Variants in MTRR observed in about 807,000 individuals in gnomAD.
MTRR encodes methionine synthase reductase.
In MTRR, 63 loss-of-function variants were observed where a neutral mutation model predicts 79.2. The observed-to-expected ratio is 0.80, with a 90% CI of 0.65 to 0.98. The LOEUF is 0.98. Among genes scored for constraint, MTRR ranks in the 50% least tolerant of loss-of-function variants. The probability of loss-of-function intolerance (pLI) is 0.00; values close to 1 mark genes in which losing one functional copy is unlikely to be tolerated. For synonymous variants in MTRR, 355 were observed against 313.3 expected (o/e 1.13, Z -1.41); for missense variants, 895 against 839.6 (o/e 1.07, Z -0.82).
At chr5:7,882,542 G>C (rs1579697048) in intron 5 of MTRR, among the ~76,000 whole-genome samples, 1 of 152,140 alleles carries the variant, frequency 6.6e-6, no homozygotes, top group East Asian at 1.9e-4. Flanking sequence ...TTAAACTTAG[G>C]AATATAGAAA....
At chr5:7,889,772 A>G (rs1442801505) in intron 9 of MTRR, among the ~76,000 whole-genome samples, 1 of 152,246 alleles carries the variant, frequency 6.6e-6, no homozygotes, top group Non-Finnish European at 1.5e-5. Flanking sequence ...GAGCAAGTCC[A>G]GATCGAGGGT....
chr5:7,857,124 A>G (rs1476038058), intron 1 of MTRR, among the ~76,000 whole-genome samples: 1 of 152,220 alleles, frequency 6.6e-6, no homozygotes, highest in East Asian at 1.9e-4. Context: ...GCTAGCAAGT[A>G]AAACAATTTT....
In MTRR at chr5:7,855,270, G is replaced by A. The variant is rs557924648; in HGVS notation, n.391+3685G>A. Among the ~76,000 whole-genome samples the A allele has an allele frequency of 1.1e-4, 16 of 152,090 alleles. No individual in the cohort carries two copies. In the East Asian group the frequency reaches 3.1e-3, roughly 29 times the overall value. On this transcript the variant is annotated intron_variant and non_coding_transcript_variant, in intron 1 of 3. Coordinates refer to the MTRR transcript ENST00000502509. ...GAATATAGACTACACATTAAATGATGACAGGGAATAATAACTAATTTTGTT... is the reference window on the plus strand; with the variant it reads ...GAATATAGACTACACATTAAATGATAACAGGGAATAATAACTAATTTTGTT...
In MTRR at chr5:7,885,815, T is replaced by G. The variant is rs1183944927; in HGVS notation, c.1018T>G (p.Cys340Gly). 8 of 1,614,028 alleles carry G rather than the reference T, an allele frequency of 5.0e-6. No homozygotes were observed. The Admixed American group carries it at 1.3e-4, about 27-fold the overall frequency. Reference protein sequence around the residue: ...RLQLEDKREHCVLLKIKADTK... With the variant: ...RLQLEDKREHGVLLKIKADTK... ...GCAGCTTGAAGATAAAAGAGAGCAC[T>G]GCGTCCTTTTGAAAATAAAGGCAGA... The change falls in exon 7 of 15, where the codon TGC (cysteine) becomes GGC (glycine). Residue 340 changes from cysteine to glycine, a missense_variant. Physicochemically the swap from Cys to Gly is radical, Grantham distance 159 (BLOSUM62 -3). Transcript: ENST00000440940.
Position 7,897,072 on chromosome 5 carries a change from C to T in MTRR, c.1777C>T (p.Leu593Phe), listed in dbSNP as rs146415045. Residue 593 changes from leucine to phenylalanine, a missense_variant, in exon 14 of 15, where the codon CTC becomes TTC. By Grantham distance (22) the Leu-to-Phe change is conservative. Coordinates refer to ENST00000440940, the MANE Select transcript of MTRR (RefSeq NM_002454.3). ...KDRDYLFRKE[L>F]RHFLKHGILT... Reference sequence around the variant, plus strand: ...TTATATATTATATTTCAGAAAAGAGCTCAGACATTTCCTTAAGCATGGGAT... The same window carrying T: ...TTATATATTATATTTCAGAAAAGAGTTCAGACATTTCCTTAAGCATGGGAT... 7.1e-5 allele frequency: 114 copies of T among 1,614,012 alleles called. No homozygotes were observed. In the African/African-American group the frequency reaches 1.2e-3, roughly 18 times the overall value.
intron 1 of MTRR, among the ~76,000 whole-genome samples, chr5:7,852,463 T>C (rs1025085805): frequency 2.0e-5 from 3 of 152,100 alleles, no homozygotes; most frequent in African/African-American, 7.2e-5. Context: ...CACTAACACA[T>C]CTTTTTGCTC....
In MTRR at chr5:7,870,799, G is replaced by A. The variant is rs2126643700; in HGVS notation, c.5G>A (p.Arg2Lys). ...ACTGTTACATGCCTTGAAGTGATGAGGAGGTTTCTGTTACTATATGCTACA... is the reference window on the plus strand; with the variant it reads ...ACTGTTACATGCCTTGAAGTGATGAAGAGGTTTCTGTTACTATATGCTACA... The part of the protein sequence containing the change: M[R>K]RFLLLYATQQ... The change falls in exon 2 of 15, where the codon AGG becomes AAG. Residue 2 changes from arginine (R) to lysine (K), a missense_variant. Transcript: ENST00000440940. 1.2e-6 allele frequency: 2 copies of A among 1,614,178 alleles called. No individual in the cohort carries two copies.
At position 7,885,685 on chromosome 5, in the gene MTRR, T is replaced by C. The variant is rs758404115; in HGVS notation, c.904-16T>C. 4.4e-5 allele frequency: 71 copies of C among 1,606,048 alleles called. No homozygotes were observed. The highest frequency in any genetic ancestry group is 5.8e-5 in the Non-Finnish European group (68 of 1,174,446). On this transcript the variant is annotated splice_polypyrimidine_tract_variant and intron_variant, in intron 6 of 14. Transcript: ENST00000440940. Reference sequence around the variant, plus strand: ...GTATAATGTATTTTTTTTTTTTCATTTTGGCTCTTCTCTAGAATACAGACT... The same window carrying C: ...GTATAATGTATTTTTTTTTTTTCATCTTGGCTCTTCTCTAGAATACAGACT...
intron 1 of MTRR, among the ~76,000 whole-genome samples, chr5:7,857,518 C>T (rs1008449637): frequency 6.6e-6 from 1 of 152,202 alleles, no homozygotes; most frequent in African/African-American, 2.4e-5. Flanking sequence ...ACTGGGTGTT[C>T]CAGCCATTGA....
At chr5:7,898,635 G>A (rs780440703) in intron 14 of MTRR, among the ~76,000 whole-genome samples, 9 of 152,126 alleles carry the variant, frequency 5.9e-5, no homozygotes, top group Non-Finnish European at 1.0e-4. Flanking sequence ...TACTGCTGAT[G>A]AGTCAAATGA....
chr5:7,868,940 G>A (rs1175994204), upstream of MTRR: 6 of 683,772 alleles, frequency 8.8e-6, no homozygotes, highest in African/African-American at 7.0e-5. Flanking sequence ...TTGACACCCA[G>A]CCGGACCAAC....
upstream of MTRR, chr5:7,868,930 T>C: frequency 1.5e-6 from 1 of 654,142 alleles, no homozygotes; most frequent in Non-Finnish European, 2.8e-6. Flanking sequence ...GGCCAGGTCT[T>C]TGACACCCAG....
At chr5:7,880,416 GC>G (rs1349498077) in intron 5 of MTRR, among the ~76,000 whole-genome samples, 1 of 152,190 alleles carries the variant, frequency 6.6e-6, no homozygotes, top group East Asian at 1.9e-4. Context: ...TGTACCTGAG[GC>G]CATGCTAGTC....
In MTRR at chr5:7,883,212, A is replaced by G; in HGVS notation, c.838A>G (p.Lys280Glu). The change falls in exon 6 of 15, where the codon AAG becomes GAG. Residue 280 changes from lysine to glutamate, a missense_variant. Physicochemically the swap from Lys to Glu is moderately conservative, Grantham distance 56. Transcript: ENST00000440940. ...ADPVFQVPIS[K>E]AVQLTTNDAI... ...TCCAGTTTTTCAAGTGCCAATTTCA[A>G]AGGCAGTTCAACTTACTACGAATGA... is the stretch of plus-strand genomic sequence containing the variant. 1.2e-6 allele frequency: 2 copies of G among 1,614,244 alleles called. No individual in the cohort carries two copies. Among genetic ancestry groups the G allele is most frequent in the Non-Finnish European group, 1.7e-6 (2 of 1,180,030 alleles).
In MTRR at chr5:7,899,745, A is replaced by C. The variant is rs551868762; in HGVS notation, c.1953-169A>C. On this transcript the variant is annotated intron_variant, in intron 14 of 14. Coordinates refer to ENST00000440940, the MANE Select transcript of MTRR (RefSeq NM_002454.3). ...TCTCCTAGAACAGTCACTGTAGGCAAAGGCCTGGCCTGGGCATGAGTGAGG... is the reference window on the plus strand; with the variant it reads ...TCTCCTAGAACAGTCACTGTAGGCACAGGCCTGGCCTGGGCATGAGTGAGG... Among the ~76,000 whole-genome samples the C allele has an allele frequency of 9.4e-4, 143 of 152,316 alleles. 1 individual carries two copies. Among genetic ancestry groups the C allele is most frequent in the Non-Finnish European group, 1.6e-3 (106 of 68,030 alleles).
At position 7,899,907 on chromosome 5, in the gene MTRR, TTTCTA is replaced by T. The variant is rs767124472; in HGVS notation, c.1953-6_1953-2del. ...GTAAGCAGTCATCTTATTATTTTCT[TTTCTA>T]GAGATGCAAAGAATATGGCCAAGGA... On this transcript the variant is annotated splice_acceptor_variant and splice_polypyrimidine_tract_variant and intron_variant, in intron 14 of 14. Transcript: ENST00000440940. LOFTEE classifies it high-confidence loss of function. The T allele has an allele frequency of 2.6e-5, 42 of 1,614,060 alleles. No individual in the cohort carries two copies. The highest frequency in any genetic ancestry group is 2.1e-5 in the Non-Finnish European group (25 of 1,180,034).
Position 7,873,362 on chromosome 5 carries a change from T to C in MTRR, c.130-11T>C. On this transcript the variant is annotated splice_polypyrimidine_tract_variant and intron_variant, in intron 2 of 14. Transcript: ENST00000440940. ...GTGTTAGGTCCCTGACTTGATATCCTTGTTTTGTAGTATGACCTAAAAACC... is the reference window on the plus strand; with the variant it reads ...GTGTTAGGTCCCTGACTTGATATCCCTGTTTTGTAGTATGACCTAAAAACC... 1 of 1,614,214 alleles carries C rather than the reference T, an allele frequency of 6.2e-7. No individual in the cohort carries two copies. Among genetic ancestry groups the C allele is most frequent in the Non-Finnish European group, 8.5e-7 (1 of 1,180,016 alleles).
intron 12 of MTRR, 24 bp from the exon 13 acceptor site, chr5:7,896,840 T>C: frequency 1.2e-6 from 2 of 1,601,888 alleles, no homozygotes; most frequent in Non-Finnish European, 1.7e-6. Context: ...ATCACACACC[T>C]AAACTTTTTT....
At chr5:7,878,626 T>A (rs1271726127) in intron 5 of MTRR, among the ~76,000 whole-genome samples, 1 of 152,248 alleles carries the variant, frequency 6.6e-6, no homozygotes, top group African/African-American at 2.4e-5. Flanking sequence ...TTACAAAAGG[T>A]CTTGTATTAT....
Sources: gnomAD v4.1 joint callset for allele counts (sites outside exome capture counted in the v4.1 genomes callset) on GRCh38, gnomAD v4.1.1 for gene constraint, MANE v1.5 for transcripts, NCBI Gene and HGNC (gene_info 2026-07-23, HGNC 2026-07-21) for gene names.